The following SIRT5 variants were observed in gnomAD, a reference collection of about 807,000 sequenced individuals.
SIRT5 encodes NAD-dependent protein deacylase sirtuin-5, mitochondrial.
In SIRT5, 26 loss-of-function variants were observed where a neutral mutation model predicts 40.0. The observed-to-expected ratio is 0.65, with a 90% CI of 0.48 to 0.90. The LOEUF (loss-of-function observed/expected upper bound fraction) is 0.90, where lower values mean the gene tolerates loss of function less well. Ranked by LOEUF, SIRT5 falls within the 40% of genes least tolerant of loss-of-function variation. The probability of loss-of-function intolerance (pLI) is 0.00; values close to 1 mark genes in which losing one functional copy is unlikely to be tolerated. For synonymous variants in SIRT5, 146 were observed against 149.1 expected (o/e 0.98, Z 0.15); for missense variants, 401 against 402.4 (o/e 1.00, Z 0.03).
chr6:13,588,450 A>T lies in SIRT5; in HGVS notation c.235A>T (p.Lys79Ter). 1 of 1,614,074 alleles carries T rather than the reference A, an allele frequency of 6.2e-7. No individual in the cohort carries two copies. Among genetic ancestry groups the T allele is most frequent in the East Asian group, 2.2e-5 (1 of 44,888 alleles). The change falls in exon 4 of 10, where the codon AAA becomes TAA. Residue 79 changes from lysine (K) to a stop codon, truncating the protein, a stop_gained. Transcript: ENST00000606117. LOFTEE classifies it high-confidence loss of function. The part of the protein sequence containing the change: ...TFRGAGGYWR[K>*]WQAQDLATPL... ...CAGAGGAGCTGGAGGTTATTGGAGA[A>T]AATGGCAAGCCCAGGTTTGTAAAGT...
At chr6:13,595,181 C>T (rs1761406461) in intron 5 of SIRT5, among the ~76,000 whole-genome samples, 1 of 152,162 alleles carries the variant, frequency 6.6e-6, no homozygotes, top group African/African-American at 2.4e-5. Context: ...CTCTGTTTCC[C>T]ATGAAAGCTA....
At position 13,611,228 on chromosome 6, in the gene SIRT5, T is replaced by TA. The variant is rs1180836100; in HGVS notation, c.858-561dup. On this transcript the variant is annotated intron_variant, in intron 9 of 9. Transcript: ENST00000606117. ...GTGTGTATATATATATATATATATA[T>TA]ATATATATACACACACACATACACA... Among the ~76,000 whole-genome samples the TA allele has an allele frequency of 7.6e-5, 10 of 131,228 alleles. No homozygotes were observed. The East Asian group carries it at 2.1e-3, about 27-fold the overall frequency. 86.1% of individuals were successfully genotyped at this position (131,228 alleles called of 152,430 possible).
rs749804189 is a variant in SIRT5 at position 13,599,202 on chromosome 6, A to AT, written c.741+53dup. On this transcript the variant is annotated intron_variant, in intron 8 of 9. Transcript: ENST00000606117. ...CCCCAGGACAGGACTGGAGTTTGTT[A>AT]TTTTTTCCTTCCCCCTCTCCTCTTT... is the stretch of plus-strand genomic sequence containing the variant. 4.0e-5 allele frequency: 62 copies of AT among 1,563,840 alleles called. No homozygotes were observed. In the African/African-American group the frequency reaches 7.9e-4, roughly 20 times the overall value.
In SIRT5 at chr6:13,612,170, AAAAT is replaced by A; in HGVS notation, c.*307_*310del. 1 of 222,860 alleles carries A rather than the reference AAAAT, an allele frequency of 4.5e-6. No homozygotes were observed. The highest frequency in any genetic ancestry group is 8.8e-6 in the Non-Finnish European group (1 of 113,430). The allele number at this position is 222,860 out of a possible 1,614,324, so 13.8% of individuals were successfully genotyped here. A position where few individuals can be genotyped will look rare whatever the true frequency, so the allele number is the denominator to read the frequency against. ...ATTTTGTAAATTAGATTGTCTAAAA[AAAAT>A]AGTTATTCTGATTATATTTTTGTTA... On this transcript the variant is annotated 3_prime_UTR_variant, in exon 10 of 10. Coordinates refer to ENST00000606117, the MANE Select transcript of SIRT5 (RefSeq NM_012241.5).
chr6:13,596,907 CTTT>C, intron 6 of SIRT5, 53 bp from the exon 7 acceptor site: 1 of 1,409,620 alleles, frequency 7.1e-7, no homozygotes, highest in Non-Finnish European at 9.8e-7. Context: ...TATGTTGTTT[CTTT>C]ATTTTTTATT....
In SIRT5 at chr6:13,595,552, T is replaced by C. The variant is rs200388975; in HGVS notation, c.551T>C (p.Leu184Ser). 2.4e-4 allele frequency: 388 copies of C among 1,613,240 alleles called. 3 individuals are homozygous for C. Among genetic ancestry groups the C allele is most frequent in the South Asian group, 2.1e-3 (188 of 91,070 alleles). Residue 184 changes from leucine to serine, a missense_variant, in exon 6 of 10, where the codon TTA (leucine) becomes TCA (serine). Leu to Ser is a moderately radical substitution (Grantham distance 145, BLOSUM62 -2). Transcript: ENST00000606117. ...TACAAGAGTCCAATTTGTCCAGCTT[T>C]ATCAGGAAAAGGGTAATTATACCAC... ...ENYKSPICPA[L>S]SGKGAPEPGT...
At chr6:13,600,786 C>T in intron 8 of SIRT5, 48 bp from the exon 9 acceptor site, 1 of 1,418,544 alleles carries the variant, frequency 7.0e-7, no homozygotes, top group Non-Finnish European at 9.8e-7. Flanking sequence ...AATGTTCCTT[C>T]TCCTTGTCGT....
At chr6:13,584,688 C>T (rs968022329) in intron 3 of SIRT5, among the ~76,000 whole-genome samples, 2 of 152,228 alleles carry the variant, frequency 1.3e-5, no homozygotes, top group African/African-American at 4.8e-5. Flanking sequence ...AGGGCACCTT[C>T]AGAGCCTATC....
chr6:13,578,914 C>T (rs916150752), intron 1 of SIRT5, among the ~76,000 whole-genome samples: 4 of 152,102 alleles, frequency 2.6e-5, no homozygotes, highest in African/African-American at 4.8e-5. Flanking sequence ...CTGCCTAGCA[C>T]CCAAAAAGCT....
chr6:13,602,430 G>T (rs1762514323), intron 9 of SIRT5, among the ~76,000 whole-genome samples: 3 of 151,904 alleles, frequency 2.0e-5, no homozygotes, highest in African/African-American at 7.3e-5. Context: ...AACCTGGGAG[G>T]GGGAGGTTGC....
chr6:13,575,965 G>A (rs1264091132), intron 1 of SIRT5, among the ~76,000 whole-genome samples: 1 of 152,128 alleles, frequency 6.6e-6, no homozygotes, highest in East Asian at 1.9e-4. Context: ...GTTCATCCAT[G>A]TTGTTGCAAA....
intron 9 of SIRT5, among the ~76,000 whole-genome samples, chr6:13,602,353 A>C (rs554838332): frequency 1.3e-5 from 2 of 152,352 alleles, no homozygotes; most frequent in East Asian, 3.9e-4. Context: ...ACTATGTATT[A>C]ACTAGGCATG....
intron 1 of SIRT5, among the ~76,000 whole-genome samples, chr6:13,577,649 T>TTA (rs898031693): frequency 1.3e-5 from 2 of 148,474 alleles, no homozygotes; most frequent in Non-Finnish European, 3.0e-5. Flanking sequence ...TCTCTCTATA[T>TTA]TATATATATA....
At chr6:13,577,634 A>G (rs942149640) in intron 1 of SIRT5, among the ~76,000 whole-genome samples, 1 of 148,850 alleles carries the variant, frequency 6.7e-6, no homozygotes. Context: ...CATATATCTT[A>G]TATGTCTCTC....
intron 3 of SIRT5, among the ~76,000 whole-genome samples, chr6:13,586,866 G>T (rs1456389068): frequency 6.6e-6 from 1 of 152,118 alleles, no homozygotes; most frequent in African/African-American, 2.4e-5. Flanking sequence ...CCTTATGGCT[G>T]GGATACAGAA....
At chr6:13,604,656 T>A (rs1762868536) in intron 9 of SIRT5, 22 of 1,419,784 alleles carry the variant, frequency 1.5e-5, no homozygotes, top group Non-Finnish European at 1.6e-5. Flanking sequence ...GGGCCCAGCA[T>A]CCCTTGGATA....
At chr6:13,598,882 T>G in intron 7 of SIRT5, 150 bp from the exon 8 acceptor site, 3 of 753,430 alleles carry the variant, frequency 4.0e-6, no homozygotes, top group Non-Finnish European at 4.1e-6. Context: ...GCAAGGCAAG[T>G]TTATATAGGC....
At chr6:13,579,133 G>A (rs998932649) in intron 1 of SIRT5, among the ~76,000 whole-genome samples, 1 of 152,108 alleles carries the variant, frequency 6.6e-6, no homozygotes, top group African/African-American at 2.4e-5. Flanking sequence ...ACCACTGCCT[G>A]CCCTGACACC....
rs1239972126 is a variant in SIRT5, at chr6:13,613,096, GTGGCCGCGGGC to G, written c.*1235_*1245del. On this transcript the variant is annotated 3_prime_UTR_variant, in exon 10 of 10. Transcript: ENST00000606117. ...TTGGGGAACCTTACAGGGTGGTCCA[GTGGCCGCGGGC>G]TGGACAGAACTGCAACCACTTATAA... 1.3e-5 allele frequency: 2 copies of G among 152,304 alleles called. No individual in the cohort carries two copies. Among genetic ancestry groups the G allele is most frequent in the African/African-American group, 4.8e-5 (2 of 41,452 alleles). 9.4% of individuals were successfully genotyped at this position (152,304 alleles called of 1,614,324 possible).
Sources: gnomAD v4.1 joint callset for allele counts (sites outside exome capture counted in the v4.1 genomes callset) on GRCh38, gnomAD v4.1.1 for gene constraint, MANE v1.5 for transcripts, NCBI Gene and HGNC (gene_info 2026-07-23, HGNC 2026-07-21) for gene names.